AK5: variants seen among roughly 807,000 people sequenced by gnomAD.
AK5 encodes the protein adenylate kinase 5.
In AK5, 27 loss-of-function variants were observed where a neutral mutation model predicts 69.5. The observed-to-expected ratio is 0.39, with a 90% CI of 0.29 to 0.54. The LOEUF is 0.54. Ranked by LOEUF, AK5 falls within the 20% of genes least tolerant of loss-of-function variation. The pLI, the probability that AK5 is intolerant of heterozygous loss-of-function variation, is 0.71. For synonymous variants in AK5, 260 were observed against 244.4 expected, an observed-to-expected ratio of 1.06 and a Z score of -0.60; for missense variants, 531 against 700.4, an observed-to-expected ratio of 0.76 and a Z score of 2.73.
chr1:77,343,022 G>T (rs192292708), intron 6 of AK5, among the ~76,000 whole-genome samples: 18 of 152,232 alleles, frequency 1.2e-4, no homozygotes, highest in Non-Finnish European at 2.6e-4. Context: ...TCACTATATA[G>T]TAAGCTCCAG....
chr1:77,420,427 G>C (rs966669457), intron 8 of AK5: 2 of 151,012 alleles, frequency 1.3e-5, no homozygotes, highest in African/African-American at 2.4e-5. Flanking sequence ...TGAAAATGCA[G>C]TTACTATAAA....
At chr1:77,480,490 T>G (rs1318652998) in intron 8 of AK5, among the ~76,000 whole-genome samples, 1 of 152,152 alleles carries the variant, frequency 6.6e-6, no homozygotes, top group African/African-American at 2.4e-5. Context: ...ATGCACTGTT[T>G]CAGGAATTCA....
chr1:77,475,453 T>C (rs1441330066), intron 8 of AK5, among the ~76,000 whole-genome samples: 1 of 3,480 alleles, frequency 2.9e-4, no homozygotes, highest in African/African-American at 5.7e-4. Context: ...ATTATATATA[T>C]ACAAATATAT....
At chr1:77,282,637 C>T in intron 1 of AK5, 1 of 1,232,438 alleles carries the variant, frequency 8.1e-7, no homozygotes, top group Non-Finnish European at 1.0e-6. Flanking sequence ...AGCCTGCTCC[C>T]ATCGCGCCCC....
intron 13 of AK5, 123 bp downstream of exon 13, chr1:77,536,161 G>C: frequency 8.9e-7 from 1 of 1,128,852 alleles, no homozygotes; most frequent in Non-Finnish European, 1.2e-6. Context: ...CTGTGCAGCT[G>C]CAGCACTGGG....
intron 5 of AK5, among the ~76,000 whole-genome samples, chr1:77,339,286 C>T (rs1197989541): frequency 1.3e-5 from 2 of 152,234 alleles, no homozygotes; most frequent in Non-Finnish European, 2.9e-5. Flanking sequence ...ACTATGCAAA[C>T]TGTCTTTTTG....
intron 6 of AK5, among the ~76,000 whole-genome samples, chr1:77,381,618 A>G (rs946008983): frequency 6.6e-6 from 1 of 152,230 alleles, no homozygotes; most frequent in African/African-American, 2.4e-5. Context: ...ATAGTGGGAT[A>G]TCCTTGACTT....
At chr1:77,548,747 T>G (rs1659665793) in intron 13 of AK5, among the ~76,000 whole-genome samples, 1 of 152,196 alleles carries the variant, frequency 6.6e-6, no homozygotes, top group Admixed American at 6.5e-5. Context: ...ACAAAATGTG[T>G]AATTCCCAAA....
intron 13 of AK5, 28 bp downstream of exon 13, chr1:77,536,066 A>G (rs1184331086): frequency 5.1e-6 from 8 of 1,568,510 alleles, no homozygotes; most frequent in Admixed American, 4.1e-5. Flanking sequence ...CTCCTCTGAA[A>G]TGAGCCGCTT....
rs555894771 is a variant in AK5 at position 77,400,964 on chromosome 1, C to A, written c.892-10017C>A. The stretch of plus-strand genomic sequence containing the variant: ...AAAAAAAAAAAAAAAAAGTATGTTC[C>A]GCCAAGCTTGGTTCAGCAGGGCTGT... On this transcript the variant is annotated intron_variant, in intron 6 of 13. Coordinates refer to ENST00000354567, the MANE Select transcript of AK5 (RefSeq NM_174858.3). Among the ~76,000 whole-genome samples, 7 of 142,810 alleles carry A rather than the reference C, an allele frequency of 4.9e-5. No homozygotes were observed. In the East Asian group the frequency reaches 1.2e-3, roughly 25 times the overall value. The allele number at this position is 142,810 out of a possible 152,430, so 93.7% of individuals were successfully genotyped here.
chr1:77,453,807 T>G (rs1191568709), intron 8 of AK5, among the ~76,000 whole-genome samples: 1 of 152,250 alleles, frequency 6.6e-6, no homozygotes, highest in Non-Finnish European at 1.5e-5. Context: ...TATCTTCGAC[T>G]TTATTATTAG....
At chr1:77,328,351 T>C (rs1253589147) in intron 5 of AK5, among the ~76,000 whole-genome samples, 1 of 151,948 alleles carries the variant, frequency 6.6e-6, no homozygotes, top group Non-Finnish European at 1.5e-5. Flanking sequence ...ATACAAAAAA[T>C]TAGCCGGGCG....
chr1:77,324,980 C>CTTTTTTTT (rs374298984), intron 5 of AK5, among the ~76,000 whole-genome samples: 4 of 139,194 alleles, frequency 2.9e-5, no homozygotes, highest in Non-Finnish European at 3.1e-5. Context: ...TTACGAGCTA[C>CTTTTTTTT]TTTTTTTTTT....
intron 8 of AK5, among the ~76,000 whole-genome samples, chr1:77,431,918 T>A (rs1651664605): frequency 6.6e-6 from 1 of 152,198 alleles, no homozygotes; most frequent in African/African-American, 2.4e-5. Context: ...AGTCCAAGTT[T>A]GGAAAGGCAA....
intron 13 of AK5, among the ~76,000 whole-genome samples, chr1:77,547,256 T>C (rs1659588472): frequency 6.8e-6 from 1 of 148,134 alleles, no homozygotes; most frequent in African/African-American, 2.4e-5. Flanking sequence ...CAACATGTAA[T>C]CAATATAAAG....
At chr1:77,537,062 CT>C (rs1659010730) in intron 13 of AK5, among the ~76,000 whole-genome samples, 2 of 152,056 alleles carry the variant, frequency 1.3e-5, no homozygotes, top group Non-Finnish European at 2.9e-5. Context: ...TTCTTGAATC[CT>C]TGCAAAGCTT....
At chr1:77,352,368 A>G (rs774289452) in intron 6 of AK5, among the ~76,000 whole-genome samples, 1 of 152,230 alleles carries the variant, frequency 6.6e-6, no homozygotes, top group Non-Finnish European at 1.5e-5. Flanking sequence ...TTTAAAATTA[A>G]TGAAAGAAAC....
intron 13 of AK5, among the ~76,000 whole-genome samples, chr1:77,545,921 T>C (rs1187934138): frequency 6.6e-6 from 1 of 152,164 alleles, no homozygotes; most frequent in Non-Finnish European, 1.5e-5. Flanking sequence ...TTCTATCCTC[T>C]CACTTGACAA....
At chr1:77,336,355 C>T (rs1365053690) in intron 5 of AK5, among the ~76,000 whole-genome samples, 1 of 152,142 alleles carries the variant, frequency 6.6e-6, no homozygotes, top group Non-Finnish European at 1.5e-5. Context: ...GCTAGGATTA[C>T]AGGCATGAGC....
Sources: allele counts gnomAD v4.1 joint callset (sites outside exome capture counted in the v4.1 genomes callset), GRCh38; gene constraint gnomAD v4.1.1; transcripts MANE v1.5; gene names NCBI Gene and HGNC (gene_info 2026-07-23, HGNC 2026-07-21).